The following DCTN4 variants were observed in gnomAD, a reference collection of about 807,000 sequenced individuals.
DCTN4 encodes the protein dynactin subunit 4, also known as dynactin 4 (p62).
In DCTN4, 23 loss-of-function variants were observed where a neutral mutation model predicts 62.7. The observed-to-expected ratio is 0.37, with a 90% confidence interval of 0.26 to 0.52. The LOEUF (loss-of-function observed/expected upper bound fraction) is 0.52, where lower values mean the gene tolerates loss of function less well. Among genes scored for constraint, DCTN4 ranks in the 20% least tolerant of loss-of-function variants. The pLI, the probability that DCTN4 is intolerant of heterozygous loss-of-function variation, is 0.92. For missense variants in DCTN4, 514 were observed against 580.4 expected (o/e 0.89, Z 1.18); for synonymous variants, 199 against 202.1 (o/e 0.98, Z 0.13).
intron 3 of DCTN4, among the ~76,000 whole-genome samples, chr5:150,749,910 AATAAT>A (rs1192756615): frequency 6.6e-6 from 1 of 152,242 alleles, no homozygotes; most frequent in Non-Finnish European, 1.5e-5. Context: ...AATAAGAAGA[AATAAT>A]ATAAAGAAGA....
At chr5:150,735,197 C>A (rs1451737547) in intron 4 of DCTN4, among the ~76,000 whole-genome samples, 1 of 146,536 alleles carries the variant, frequency 6.8e-6, no homozygotes, top group Non-Finnish European at 1.5e-5. Context: ...AAAGCGCCAC[C>A]TCCTGGCTGG....
intron 8 of DCTN4, among the ~76,000 whole-genome samples, chr5:150,730,111 C>G (rs1033539132): frequency 6.6e-6 from 1 of 152,210 alleles, no homozygotes; most frequent in Non-Finnish European, 1.5e-5. Flanking sequence ...TAGTGGCTAT[C>G]ATGCGGGACT....
At chr5:150,752,353 T>C (rs1752706862) in intron 3 of DCTN4, among the ~76,000 whole-genome samples, 2 of 152,204 alleles carry the variant, frequency 1.3e-5, no homozygotes, top group African/African-American at 4.8e-5. Flanking sequence ...TGGAGGTATA[T>C]AATGCCTTAG....
At chr5:150,758,774 T>C (rs1752953769) in intron 1 of DCTN4, 85 bp downstream of exon 1, 27 of 1,549,622 alleles carry the variant, frequency 1.7e-5, no homozygotes, top group Middle Eastern at 1.7e-4. Flanking sequence ...GGAAGGAAAA[T>C]AGCTCCAGCC....
In DCTN4 at chr5:150,711,509, TTTTTG is replaced by T. The variant is rs1400316275; in HGVS notation, c.1170-152_1170-148del. 1.7e-5 allele frequency: 12 copies of T among 703,140 alleles called. No homozygotes were observed. The African/African-American group carries it at 2.2e-4, about 13-fold the overall frequency. The allele number at this position is 703,140 out of a possible 1,614,324, so 43.6% of individuals were successfully genotyped here. A position where few individuals can be genotyped will look rare whatever the true frequency, so the allele number is the denominator to read the frequency against. On this transcript the variant is annotated intron_variant, in intron 12 of 12. Transcript: ENST00000447998. ...CTTTGTTCTTAACCTACCAAGTATT[TTTTTG>T]TTTTGTTTTGAGACACAGTCTCGCT...
intron 4 of DCTN4, 121 bp downstream of exon 4, chr5:150,741,993 T>G: frequency 1.2e-6 from 1 of 844,804 alleles, no homozygotes; most frequent in Non-Finnish European, 2.0e-6. Context: ...ACTGTCTATG[T>G]GCAAAGACGT....
intron 8 of DCTN4, 109 bp downstream of exon 8, chr5:150,730,522 T>C: frequency 1.1e-6 from 1 of 934,838 alleles, no homozygotes; most frequent in Admixed American, 2.1e-5. Flanking sequence ...CTACAAGTAT[T>C]TTCTGTATTT....
chr5:150,712,021 GACA>G (rs375677917), intron 12 of DCTN4, among the ~76,000 whole-genome samples: 1 of 152,228 alleles, frequency 6.6e-6, no homozygotes, highest in African/African-American at 2.4e-5. Flanking sequence ...TGAGGTTGCT[GACA>G]ACTTTTCTCT....
chr5:150,754,987 CAT>C (rs1036110976), intron 2 of DCTN4, among the ~76,000 whole-genome samples: 1 of 151,308 alleles, frequency 6.6e-6, no homozygotes, highest in Admixed American at 6.6e-5. Flanking sequence ...ACACACAAAA[CAT>C]ACACACAAGA....
Position 150,709,446 on chromosome 5 carries a change from G to A in DCTN4, c.*1703C>T, listed in dbSNP as rs1300545420. 3.9e-5 allele frequency: 6 copies of A among 152,336 alleles called. No individual in the cohort carries two copies. Among genetic ancestry groups the A allele is most frequent in the Admixed American group, 3.9e-4 (6 of 15,274 alleles). The allele number at this position is 152,336 out of a possible 1,614,324, so 9.4% of individuals were successfully genotyped here. A position where few individuals can be genotyped will look rare whatever the true frequency, so the allele number is the denominator to read the frequency against. On this transcript the variant is annotated 3_prime_UTR_variant, in exon 13 of 13. Transcript: ENST00000447998. ...AGTGATTTCACAGTAGGCTCTAGCA[G>A]GTAGTGAAATAAAAATTTGAGACTC...
intron 1 of DCTN4, among the ~76,000 whole-genome samples, chr5:150,757,709 TTTAA>T (rs1369958600): frequency 2.6e-5 from 4 of 152,208 alleles, no homozygotes; most frequent in Admixed American, 6.5e-5. Flanking sequence ...TCTTGTATTA[TTTAA>T]TTGCTTTTCT....
Position 150,758,946 on chromosome 5 carries a change from T to C in DCTN4, c.48A>G (p.Gly16=), listed in dbSNP as rs763692084. The C allele has an allele frequency of 9.9e-6, 16 of 1,613,842 alleles. No homozygotes were observed. The Admixed American group carries it at 2.7e-4, about 27-fold the overall frequency. The change falls in exon 1 of 13, where the codon GGA becomes GGG. Residue 16 remains glycine, a synonymous_variant. Coordinates refer to ENST00000447998, the MANE Select transcript of DCTN4 (RefSeq NM_016221.4). ...AGAGCGGGGCCCGAACCTTCTTTTCTCCCTGGACTAGATAGAGAACCCGGT... is the reference window on the plus strand; with the variant it reads ...AGAGCGGGGCCCGAACCTTCTTTTCCCCCTGGACTAGATAGAGAACCCGGT... The part of the protein sequence containing the change: ...QSDRVLYLVQ[G]EKKVRAPLSQ...
At chr5:150,730,972 A>G in intron 7 of DCTN4, 72 bp downstream of exon 7, 1 of 970,706 alleles carries the variant, frequency 1.0e-6, no homozygotes. Context: ...ATCTCAAATC[A>G]CTAGGTACAT....
Position 150,719,726 on chromosome 5 carries a change from C to T in DCTN4, c.953G>A (p.Arg318His), listed in dbSNP as rs771260405. The T allele has an allele frequency of 9.9e-6, 16 of 1,608,480 alleles. No homozygotes were observed. Among genetic ancestry groups the T allele is most frequent in the Non-Finnish European group, 1.2e-5 (14 of 1,175,656 alleles). The part of the protein sequence containing the change: ...EVRIMSIPNL[R>H]YMKESQVLLT... The stretch of plus-strand genomic sequence containing the variant: ...GAGCAAGGTACTAACCTTCATGTAG[C>T]GAAGGTTGGGAATTGACATGATTCT... The change falls in exon 10 of 13, where the codon CGC becomes CAC. Residue 318 changes from arginine (R) to histidine (H), a missense_variant. Transcript: ENST00000447998.
At chr5:150,749,653 T>C (rs1752598988) in intron 3 of DCTN4, among the ~76,000 whole-genome samples, 1 of 145,534 alleles carries the variant, frequency 6.9e-6, no homozygotes, top group South Asian at 2.1e-4. Context: ...CCATCTCTAC[T>C]TTAAAAAATA....
rs1159820646 is a variant in DCTN4 at position 150,736,745 on chromosome 5, T to C, written c.430-3270A>G. Among the ~76,000 whole-genome samples, 8 of 152,112 alleles carry C rather than the reference T, an allele frequency of 5.3e-5. No individual in the cohort carries two copies. The East Asian group carries it at 1.5e-3, about 29-fold the overall frequency. On this transcript the variant is annotated intron_variant, in intron 4 of 12. Transcript: ENST00000447998. ...TTCAGGCAACAACTAGCACAATGAA[T>C]AGAATAGTACCTCACATCTCAATAC...
At chr5:150,722,439 C>T (rs948211119) in intron 9 of DCTN4, among the ~76,000 whole-genome samples, 7 of 152,302 alleles carry the variant, frequency 4.6e-5, no homozygotes, top group Non-Finnish European at 1.0e-4. Context: ...ACACAAAATT[C>T]TCTTCTACTC....
At chr5:150,739,802 A>G (rs989963151) in intron 4 of DCTN4, among the ~76,000 whole-genome samples, 53 of 152,352 alleles carry the variant, frequency 3.5e-4, no homozygotes, top group Admixed American at 3.3e-3. Flanking sequence ...ATCTTTGACA[A>G]AGCAAACAAA....
chr5:150,738,745 TG>T (rs1238516442), intron 4 of DCTN4, among the ~76,000 whole-genome samples: 6 of 152,168 alleles, frequency 3.9e-5, no homozygotes, highest in Admixed American at 1.3e-4. Context: ...AACACAGTAC[TG>T]GAAGTCTTAG....
Sources: gnomAD v4.1 joint callset for allele counts (sites outside exome capture counted in the v4.1 genomes callset) on GRCh38, gnomAD v4.1.1 for gene constraint, MANE v1.5 for transcripts, NCBI Gene and HGNC (gene_info 2026-07-23, HGNC 2026-07-21) for gene names.